KCNN3: variants seen among roughly 807,000 people sequenced by gnomAD.
KCNN3 encodes potassium calcium-activated channel subfamily N member 3, also known as small conductance calcium-activated potassium channel protein 3.
A neutral mutation model predicts 62.9 loss-of-function variants in KCNN3; 16 were observed. The ratio of observed to expected loss-of-function variants is 0.25; its 90% confidence interval spans 0.17 to 0.39. The LOEUF is 0.39. Among genes scored for constraint, KCNN3 ranks in the 10% least tolerant of loss-of-function variants. The pLI, the probability that KCNN3 is intolerant of heterozygous loss-of-function variation, is 1.00. For synonymous variants in KCNN3, 370 were observed against 389.2 expected (o/e 0.95, Z 0.58); for missense variants, 599 against 949.4 (o/e 0.63, Z 4.85).
At chr1:154,750,958 C>T (rs1647349416) in intron 3 of KCNN3, among the ~76,000 whole-genome samples, 1 of 152,218 alleles carries the variant, frequency 6.6e-6, no homozygotes, top group African/African-American at 2.4e-5. Context: ...GCTTTACCAT[C>T]AGAGTCACTG....
chr1:154,765,795 G>GTT (rs149164423), intron 3 of KCNN3, among the ~76,000 whole-genome samples: 47 of 149,404 alleles, frequency 3.1e-4, no homozygotes, highest in South Asian at 8.7e-4. Context: ...TGTTTTTTTT[G>GTT]GTTTTTTTTT....
Position 154,697,834 on chromosome 1 carries a change from G to GT in KCNN3, c.*10141dup, listed in dbSNP as rs1699770676. On this transcript the variant is annotated 3_prime_UTR_variant, in exon 8 of 8. Transcript: ENST00000271915. Reference sequence around the variant, plus strand: ...AAAGTGTGCTGAGAAATCCTAGCCTGTTTTTTCCATTTAATTCCTGTAGAT... The same window carrying GT: ...AAAGTGTGCTGAGAAATCCTAGCCTGTTTTTTTCCATTTAATTCCTGTAGAT... 1.3e-5 allele frequency: 2 copies of GT among 152,090 alleles called. No homozygotes were observed. Among genetic ancestry groups the GT allele is most frequent in the Admixed American group, 1.3e-4 (2 of 15,272 alleles). The allele number at this position is 152,090 out of a possible 1,614,324, so 9.4% of individuals were successfully genotyped here.
At chr1:154,793,077 G>C (rs1441486390) in intron 2 of KCNN3, among the ~76,000 whole-genome samples, 1 of 152,174 alleles carries the variant, frequency 6.6e-6, no homozygotes, top group Non-Finnish European at 1.5e-5. Context: ...CAAACACCTA[G>C]AAGCCAATCT....
At position 154,713,514 on chromosome 1, in the gene KCNN3, C is replaced by T. The variant is rs1700121174; in HGVS notation, c.1849G>A (p.Glu617Lys). 1.2e-6 allele frequency: 2 copies of T among 1,613,908 alleles called. No homozygotes were observed. The highest frequency in any genetic ancestry group is 1.7e-6 in the Non-Finnish European group (2 of 1,179,878). Residue 617 changes from glutamate (E) to lysine (K), a missense_variant, in exon 7 of 8, where the codon GAA becomes AAA. By Grantham distance (56) the Glu-to-Lys change is moderately conservative. Around this residue, in one of 7 missense-constraint regions of KCNN3, gnomAD observed 288 missense variants for 557.4 expected, o/e 0.52. Transcript: ENST00000271915. Reference protein sequence around the residue: ...AIHQLRSVKMEQRKLSDQANT... With the variant: ...AIHQLRSVKMKQRKLSDQANT... Reference sequence around the variant, plus strand: ...GCTTGGTCACTCAGCTTCCTCTGTTCCATCTTGACGCTCCTCAACCTGTGG... The same window carrying T: ...GCTTGGTCACTCAGCTTCCTCTGTTTCATCTTGACGCTCCTCAACCTGTGG...
At chr1:154,753,892 C>T (rs752984720) in intron 3 of KCNN3, among the ~76,000 whole-genome samples, 4 of 152,124 alleles carry the variant, frequency 2.6e-5, no homozygotes, top group Non-Finnish European at 5.9e-5. Flanking sequence ...ACCAGCCAGT[C>T]GCAGGTGCTT....
chr1:154,709,238 A>G (rs1700025666), intron 7 of KCNN3, among the ~76,000 whole-genome samples: 1 of 152,196 alleles, frequency 6.6e-6, no homozygotes, highest in African/African-American at 2.4e-5. Flanking sequence ...AGCAAATGCC[A>G]TCTTGGCTGT....
chr1:154,792,678 G>T (rs1359680804), intron 2 of KCNN3, among the ~76,000 whole-genome samples: 2 of 152,208 alleles, frequency 1.3e-5, no homozygotes, highest in Non-Finnish European at 2.9e-5. Flanking sequence ...GAGACGGAAA[G>T]AGAGAGAATT....
chr1:154,796,116 TG>T (rs1372258170), intron 2 of KCNN3, among the ~76,000 whole-genome samples: 1 of 152,150 alleles, frequency 6.6e-6, no homozygotes, highest in Non-Finnish European at 1.5e-5. Flanking sequence ...ACATAAGACC[TG>T]GTGTTGGGGG....
At chr1:154,794,648 C>T (rs1649651763) in intron 2 of KCNN3, among the ~76,000 whole-genome samples, 1 of 152,188 alleles carries the variant, frequency 6.6e-6, no homozygotes, top group Admixed American at 6.5e-5. Flanking sequence ...AAGGAACAGG[C>T]ATTTTGGTCC....
At chr1:154,838,592 A>T (rs1042126758) in intron 1 of KCNN3, among the ~76,000 whole-genome samples, 1 of 152,158 alleles carries the variant, frequency 6.6e-6, no homozygotes, top group Non-Finnish European at 1.5e-5. Flanking sequence ...GGCCGGGAAC[A>T]ACCTCCCTGC....
rs759655758 is a variant in KCNN3, at chr1:154,771,876, G to A, written c.1448+99C>T. 2.5e-6 allele frequency: 3 copies of A among 1,206,368 alleles called. No homozygotes were observed. In the South Asian group the frequency reaches 3.7e-5, roughly 15 times the overall value. The allele number at this position is 1,206,368 out of a possible 1,614,324, so 74.7% of individuals were successfully genotyped here. A position where few individuals can be genotyped will look rare whatever the true frequency, so the allele number is the denominator to read the frequency against. On this transcript the variant is annotated intron_variant, in intron 3 of 7. Coordinates refer to ENST00000271915, the MANE Select transcript of KCNN3 (RefSeq NM_002249.6). ...CTTTCAGGTGTCTGGGTACATGCCT[G>A]TCTCCTCCATCAGACCACATACTTC...
chr1:154,870,020 G>C lies in KCNN3; in HGVS notation c.-56C>G, dbSNP rs530007554. 8.3e-6 allele frequency: 13 copies of C among 1,570,018 alleles called. No individual in the cohort carries two copies. In the South Asian group the frequency reaches 1.2e-4, roughly 14 times the overall value. On this transcript the variant is annotated 5_prime_UTR_variant, in exon 1 of 8. Coordinates refer to ENST00000271915, the MANE Select transcript of KCNN3 (RefSeq NM_002249.6). Reference sequence around the variant, plus strand: ...AAGCCCCCACCCCAAAGCCACCCTCGCTCCAAAGATGTCCTCAAAGAAAGC... The same window carrying C: ...AAGCCCCCACCCCAAAGCCACCCTCCCTCCAAAGATGTCCTCAAAGAAAGC...
At chr1:154,868,909 T>A in intron 1 of KCNN3, 123 bp downstream of exon 1, 1 of 866,312 alleles carries the variant, frequency 1.2e-6, no homozygotes, top group Non-Finnish European at 1.8e-6. Flanking sequence ...AATCTCTCTC[T>A]CTCTCTCTCT....
In KCNN3 at chr1:154,737,623, C is replaced by T. The variant is rs546219689; in HGVS notation, c.1449-4479G>A. The stretch of plus-strand genomic sequence containing the variant: ...CTTGAAGGAAAAATCCTATAATTAA[C>T]GTAAGAGAGAGAAAATAAGATACTG... On this transcript the variant is annotated intron_variant, in intron 3 of 7. Transcript: ENST00000271915. Among the ~76,000 whole-genome samples the T allele has an allele frequency of 4.0e-4, 60 of 151,540 alleles. 1 individual carries two copies. Among genetic ancestry groups the T allele is most frequent in the Middle Eastern group, 3.4e-3 (1 of 294 alleles).
intron 3 of KCNN3, among the ~76,000 whole-genome samples, chr1:154,769,873 CTAT>C (rs1269620409): frequency 6.6e-6 from 1 of 152,180 alleles, no homozygotes; most frequent in African/African-American, 2.4e-5. Context: ...GGGATCTGCA[CTAT>C]TATTATTAAC....
At chr1:154,727,846 G>A (rs773671314) in intron 4 of KCNN3, among the ~76,000 whole-genome samples, 7 of 152,160 alleles carry the variant, frequency 4.6e-5, no homozygotes, top group East Asian at 3.9e-4. Context: ...CCCCTCGACC[G>A]GACGGAGTAT....
In KCNN3 at chr1:154,707,829, G is replaced by C; in HGVS notation, c.*147C>G. ...TTTCAAGGCATGTCGGACCAAGCAC[G>C]CTGAATGAACATGAGTTAGTTAATT... is the stretch of plus-strand genomic sequence containing the variant. On this transcript the variant is annotated 3_prime_UTR_variant, in exon 8 of 8. Transcript: ENST00000271915. The C allele has an allele frequency of 1.1e-6, 1 of 909,266 alleles. No homozygotes were observed. The highest frequency in any genetic ancestry group is 1.7e-5 in the South Asian group (1 of 59,340). The allele number at this position is 909,266 out of a possible 1,614,324, so 56.3% of individuals were successfully genotyped here. A position where few individuals can be genotyped will look rare whatever the true frequency, so the allele number is the denominator to read the frequency against.
intron 3 of KCNN3, among the ~76,000 whole-genome samples, chr1:154,743,287 G>A (rs1700865138): frequency 6.6e-6 from 1 of 152,152 alleles, no homozygotes; most frequent in African/African-American, 2.4e-5. Flanking sequence ...TTGCCTCACT[G>A]GCCTCCCTGC....
intron 2 of KCNN3, among the ~76,000 whole-genome samples, chr1:154,811,706 C>T (rs1352667306): frequency 6.6e-6 from 1 of 151,972 alleles, no homozygotes; most frequent in Non-Finnish European, 1.5e-5. Context: ...GGTGATTTTG[C>T]CATTTTTTCT....
Sources: gnomAD v4.1 joint callset for allele counts (sites outside exome capture counted in the v4.1 genomes callset) on GRCh38, gnomAD v4.1.1 for gene constraint, gnomAD v4.1.1 regional missense constraint, MANE v1.5 for transcripts, NCBI Gene and HGNC (gene_info 2026-07-23, HGNC 2026-07-21) for gene names.